The following ABLIM3 variants were observed in gnomAD, a reference collection of about 807,000 sequenced individuals.
ABLIM3 encodes actin binding LIM protein family member 3, also known as actin-binding LIM protein 3.
In ABLIM3, 61 loss-of-function variants were observed where a neutral mutation model predicts 109.5. The ratio of observed to expected loss-of-function variants is 0.56; its 90% CI spans 0.45 to 0.69. The LOEUF (loss-of-function observed/expected upper bound fraction) is 0.69, where lower values mean the gene tolerates loss of function less well. Among genes scored for constraint, ABLIM3 ranks in the 30% least tolerant of loss-of-function variants. The pLI, the probability that ABLIM3 is intolerant of heterozygous loss-of-function variation, is 0.00. For missense variants in ABLIM3, 796 were observed against 889.5 expected (o/e 0.89, Z 1.34); for synonymous variants, 300 against 324.8 (o/e 0.92, Z 0.82).
Position 149,259,897 on chromosome 5 carries a change from A to C in ABLIM3, c.*1493A>C, listed in dbSNP as rs1754757797. The C allele has an allele frequency of 2.7e-6, 1 of 370,194 alleles. No homozygotes were observed. The highest frequency in any genetic ancestry group is 5.1e-6 in the Non-Finnish European group (1 of 197,644). 22.9% of individuals were successfully genotyped at this position (370,194 alleles called of 1,614,324 possible). On this transcript the variant is annotated 3_prime_UTR_variant, in exon 24 of 24. Coordinates refer to ENST00000309868, the MANE Select transcript of ABLIM3 (RefSeq NM_014945.5). The stretch of plus-strand genomic sequence containing the variant: ...CCCTCACTGAGCACCTCTGATGTTG[A>C]GCACCTGCTGAATACTGAGCACTGA...
chr5:149,150,513 C>A (rs1381748642), intron 2 of ABLIM3, among the ~76,000 whole-genome samples: 1 of 152,154 alleles, frequency 6.6e-6, no homozygotes, highest in South Asian at 2.1e-4. Flanking sequence ...ATGACTATAA[C>A]ACATCTCAGA....
At chr5:149,173,750 G>C (rs1256477203) in intron 2 of ABLIM3, among the ~76,000 whole-genome samples, 1 of 152,110 alleles carries the variant, frequency 6.6e-6, no homozygotes, top group Non-Finnish European at 1.5e-5. Context: ...CGCCGGGCGC[G>C]GTGGCTCACG....
At chr5:149,249,919 T>A (rs1753763882) in intron 19 of ABLIM3, 75 bp downstream of exon 19, 1 of 1,539,176 alleles carries the variant, frequency 6.5e-7, no homozygotes, top group Non-Finnish European at 9.0e-7. Flanking sequence ...CAGTTCTCCA[T>A]AGTTCTAATG....
Position 149,247,773 on chromosome 5 carries a change from G to C in ABLIM3, c.1552-9G>C, listed in dbSNP as rs752984813. The stretch of plus-strand genomic sequence containing the variant: ...TTCTAACTTTATCTTGCTCTTCCCC[G>C]ACCCTCAGCTCCAAAGTGGAATTGG... On this transcript the variant is annotated splice_polypyrimidine_tract_variant and intron_variant, in intron 17 of 23. Coordinates refer to ENST00000309868, the MANE Select transcript of ABLIM3 (RefSeq NM_014945.5). 2 of 1,614,030 alleles carry C rather than the reference G, an allele frequency of 1.2e-6. No homozygotes were observed. Among genetic ancestry groups the C allele is most frequent in the South Asian group, 2.2e-5 (2 of 91,076 alleles).
At chr5:149,205,577 C>T (rs536486630) in intron 5 of ABLIM3, among the ~76,000 whole-genome samples, 1 of 152,270 alleles carries the variant, frequency 6.6e-6, no homozygotes, top group Non-Finnish European at 1.5e-5. Context: ...AAGGGGGTAC[C>T]TGACCTCTCT....
chr5:149,157,939 G>T (rs1325000247), intron 2 of ABLIM3, among the ~76,000 whole-genome samples: 1 of 152,014 alleles, frequency 6.6e-6, no homozygotes, highest in Admixed American at 6.6e-5. Flanking sequence ...ACCAACAAAG[G>T]CACTTTTTAA....
chr5:149,246,815 TA>T (rs1581234885), intron 17 of ABLIM3, among the ~76,000 whole-genome samples: 1 of 152,362 alleles, frequency 6.6e-6, no homozygotes, highest in East Asian at 1.9e-4. Flanking sequence ...TATTTTCACA[TA>T]ATGGTAAGCA....
intron 11 of ABLIM3, among the ~76,000 whole-genome samples, 198 bp downstream of exon 11, chr5:149,237,801 G>A (rs543183223): frequency 3.3e-5 from 5 of 152,172 alleles, no homozygotes; most frequent in Admixed American, 2.0e-4. Flanking sequence ...AATCAGAGCC[G>A]ACAACCTTAA....
intron 3 of ABLIM3, among the ~76,000 whole-genome samples, chr5:149,190,102 C>T (rs1255669849): frequency 6.6e-6 from 1 of 152,100 alleles, no homozygotes; most frequent in East Asian, 1.9e-4. Flanking sequence ...AGAAAACAGT[C>T]ACAAAAGGCT....
Position 149,198,195 on chromosome 5 carries a change from T to C in ABLIM3, c.152-24T>C. 1.3e-6 allele frequency: 2 copies of C among 1,598,894 alleles called. No individual in the cohort carries two copies. The highest frequency in any genetic ancestry group is 1.7e-6 in the Non-Finnish European group (2 of 1,172,064). The stretch of plus-strand genomic sequence containing the variant: ...GACCCTCCCTGGACTCAACCTGCCC[T>C]TGTTTTCCTCCTTGTTCCCCAAGTA... On this transcript the variant is annotated intron_variant, in intron 3 of 23. Coordinates refer to ENST00000309868, the MANE Select transcript of ABLIM3 (RefSeq NM_014945.5). The surrounding 1 kb of genome is among the most constrained non-coding windows in gnomAD (Gnocchi z 4.2).
chr5:149,190,370 A>G (rs1046576875), intron 3 of ABLIM3, among the ~76,000 whole-genome samples: 20 of 152,162 alleles, frequency 1.3e-4, no homozygotes, highest in African/African-American at 4.8e-4. Context: ...TGACTTGTGA[A>G]TTGTATCTCA....
At chr5:149,154,864 T>A (rs1753746698) in intron 2 of ABLIM3, among the ~76,000 whole-genome samples, 1 of 152,170 alleles carries the variant, frequency 6.6e-6, no homozygotes, top group Admixed American at 6.5e-5. Context: ...CTTGGACACA[T>A]GAATGAGCCC....
intron 4 of ABLIM3, among the ~76,000 whole-genome samples, chr5:149,199,351 T>G (rs1416618074): frequency 6.6e-6 from 1 of 152,148 alleles, no homozygotes; most frequent in Non-Finnish European, 1.5e-5. Context: ...GAATAACTAG[T>G]TAGAGTTTCT....
chr5:149,173,287 G>C (rs987162597), intron 2 of ABLIM3, among the ~76,000 whole-genome samples: 1 of 152,218 alleles, frequency 6.6e-6, no homozygotes, highest in African/African-American at 2.4e-5. Context: ...GCAATGGGAG[G>C]AGCACTTTGG....
chr5:149,141,902 G>T, intron 1 of ABLIM3, 107 bp from the exon 2 acceptor site: 1 of 768,322 alleles, frequency 1.3e-6, no homozygotes. Flanking sequence ...ATTAGTCCAC[G>T]CGCCTTCAAG....
chr5:149,253,452 T>C (rs903037407), intron 23 of ABLIM3, among the ~76,000 whole-genome samples: 2 of 152,182 alleles, frequency 1.3e-5, no homozygotes, highest in African/African-American at 4.8e-5. Flanking sequence ...GCTTCCCCCA[T>C]GCTGCCAAGA....
At chr5:149,155,146 T>C (rs1460834198) in intron 2 of ABLIM3, among the ~76,000 whole-genome samples, 2 of 152,204 alleles carry the variant, frequency 1.3e-5, no homozygotes, top group South Asian at 2.1e-4. Context: ...TTAAACTGTG[T>C]TGGTCTGACC....
chr5:149,212,363 G>A (rs1759648237), intron 7 of ABLIM3, among the ~76,000 whole-genome samples: 1 of 152,176 alleles, frequency 6.6e-6, no homozygotes, highest in African/African-American at 2.4e-5. Flanking sequence ...ATACCAGGGT[G>A]GAGTTTGCAT....
At chr5:149,248,689 CAA>C (rs10659679) in intron 18 of ABLIM3, among the ~76,000 whole-genome samples, 11 of 78,974 alleles carry the variant, frequency 1.4e-4, no homozygotes, top group Admixed American at 4.7e-4. Flanking sequence ...GACTCTCTCT[CAA>C]AAAAAAAAAA....
Sources: allele counts gnomAD v4.1 joint callset (sites outside exome capture counted in the v4.1 genomes callset), GRCh38; gene constraint gnomAD v4.1.1; non-coding constraint Gnocchi (gnomAD v3.1); transcripts MANE v1.5; gene names NCBI Gene and HGNC (gene_info 2026-07-23, HGNC 2026-07-21).